Variants in POLR1D observed in about 807,000 individuals in gnomAD.
The protein encoded by POLR1D is DNA-directed RNA polymerases I and III subunit RPAC2.
A neutral mutation model predicts 10.8 loss-of-function variants in POLR1D; 8 were observed. That is an observed-to-expected ratio of 0.74 (90% CI 0.43 to 1.33). The LOEUF is 1.33. Among genes scored for constraint, POLR1D ranks in the 40% most tolerant of loss-of-function variants. The probability of loss-of-function intolerance (pLI) is 0.01; values close to 1 mark genes in which losing one functional copy is unlikely to be tolerated. For synonymous variants in POLR1D, 54 were observed against 57.2 expected (o/e 0.94, Z 0.25); for missense variants, 152 against 161.7 (o/e 0.94, Z 0.32).
exon 3 of POLR1D, chr13:27,666,995 C>CCCTG (rs1956424485): frequency 6.6e-6 from 1 of 150,406 alleles, no homozygotes; most frequent in Admixed American, 6.6e-5. Context: ...CATGCCACAT[C>CCCTG]CCTGCTCCCT....
intron 1 of POLR1D, chr13:27,622,311 C>T: frequency 1.9e-6 from 1 of 515,216 alleles, no homozygotes; most frequent in Admixed American, 3.4e-5. Context: ...GGTACTCGTG[C>T]CTCTGTCCCT....
At chr13:27,643,272 T>C (rs745540684) in intron 1 of POLR1D, among the ~76,000 whole-genome samples, 2 of 152,234 alleles carry the variant, frequency 1.3e-5, no homozygotes, top group Non-Finnish European at 2.9e-5. Context: ...CTTTAGTTTA[T>C]GTCTGTGAAT....
chr13:27,630,575 A>G (rs955201849), intron 1 of POLR1D, among the ~76,000 whole-genome samples: 3 of 152,142 alleles, frequency 2.0e-5, no homozygotes, highest in Non-Finnish European at 4.4e-5. Flanking sequence ...TTGGCTCCAC[A>G]CTTCCTATCT....
intron 1 of POLR1D, among the ~76,000 whole-genome samples, chr13:27,633,684 C>G (rs550721001): frequency 3.7e-4 from 57 of 152,330 alleles, no homozygotes; most frequent in African/African-American, 1.4e-3. Flanking sequence ...GAGCATTTGT[C>G]TACAACTGTT....
At chr13:27,656,487 G>A (rs1471335689) in intron 2 of POLR1D, among the ~76,000 whole-genome samples, 1 of 149,168 alleles carries the variant, frequency 6.7e-6, no homozygotes, top group African/African-American at 2.4e-5. Flanking sequence ...GAATGACAAA[G>A]ATTCCTGCTC....
intron 1 of POLR1D, among the ~76,000 whole-genome samples, chr13:27,635,881 C>A (rs1465237807): frequency 1.3e-5 from 2 of 151,990 alleles, no homozygotes; most frequent in Non-Finnish European, 2.9e-5. Context: ...CATTTTCTCA[C>A]CACTATATTG....
chr13:27,660,496 C>A (rs181576390), intron 2 of POLR1D, among the ~76,000 whole-genome samples: 1 of 152,198 alleles, frequency 6.6e-6, no homozygotes, highest in South Asian at 2.1e-4. Flanking sequence ...ACTACCTGTT[C>A]GACTTCACAC....
At chr13:27,641,083 C>A (rs1956169158) in intron 1 of POLR1D, among the ~76,000 whole-genome samples, 1 of 152,040 alleles carries the variant, frequency 6.6e-6, no homozygotes, top group Non-Finnish European at 1.5e-5. Flanking sequence ...AATTTTCAAT[C>A]CATGTTTGGT....
At chr13:27,657,989 G>A (rs1956324326) in intron 2 of POLR1D, among the ~76,000 whole-genome samples, 1 of 152,190 alleles carries the variant, frequency 6.6e-6, no homozygotes, top group South Asian at 2.1e-4. Context: ...AAGGGCACCT[G>A]CCCTTCATCT....
chr13:27,630,790 G>A (rs1247437248), intron 1 of POLR1D, among the ~76,000 whole-genome samples: 2 of 152,244 alleles, frequency 1.3e-5, no homozygotes, highest in East Asian at 3.8e-4. Context: ...ATTAGTGGGA[G>A]TTAAACTTAT....
rs1419701281 is a variant in POLR1D, at chr13:27,646,797, G to GT, written c.27-1581dup. ...AAAAAAGTTGAAATTGTTTTCTTTGGTGGGTAGGGCAGGATAATTTAGAAG... is the reference window on the plus strand; with the variant it reads ...AAAAAAGTTGAAATTGTTTTCTTTGGTTGGGTAGGGCAGGATAATTTAGAAG... On this transcript the variant is annotated intron_variant, in intron 1 of 2. Transcript: ENST00000399697. 3.3e-5 allele frequency among the ~76,000 whole-genome samples: 5 copies of GT among 152,276 alleles called. No individual in the cohort carries two copies. In the South Asian group the frequency reaches 8.3e-4, roughly 25 times the overall value.
intron 2 of POLR1D, among the ~76,000 whole-genome samples, chr13:27,649,840 A>C (rs528627222): frequency 6.6e-6 from 1 of 152,324 alleles, no homozygotes; most frequent in African/African-American, 2.4e-5. Flanking sequence ...GAATCCTTAG[A>C]GTAAGAACTG....
chr13:27,653,868 T>C (rs1956287510), intron 2 of POLR1D, among the ~76,000 whole-genome samples: 1 of 152,230 alleles, frequency 6.6e-6, no homozygotes, highest in Admixed American at 6.5e-5. Flanking sequence ...ATTCGATCTA[T>C]TGTAATGTGT....
intron 2 of POLR1D, among the ~76,000 whole-genome samples, chr13:27,659,771 G>A (rs1378794876): frequency 1.3e-5 from 2 of 152,192 alleles, no homozygotes; most frequent in African/African-American, 2.4e-5. Flanking sequence ...TACTATTCAC[G>A]TATCTGCTTC....
At chr13:27,635,745 T>C (rs1019916547) in intron 1 of POLR1D, among the ~76,000 whole-genome samples, 3 of 148,892 alleles carry the variant, frequency 2.0e-5, no homozygotes, top group Non-Finnish European at 4.5e-5. Flanking sequence ...CATATATATA[T>C]ATAAATTGTA....
chr13:27,637,636 A>G (rs985202213), intron 1 of POLR1D, among the ~76,000 whole-genome samples: 7 of 152,198 alleles, frequency 4.6e-5, no homozygotes, highest in Admixed American at 1.3e-4. Context: ...ACACTTGTAT[A>G]TATATTAACT....
At chr13:27,623,714 T>C (rs1387996128), downstream of POLR1D, among the ~76,000 whole-genome samples, 4 of 152,222 alleles carry the variant, frequency 2.6e-5, no homozygotes, top group Admixed American at 1.3e-4. Flanking sequence ...GGCTTCTTGC[T>C]AAACTTTTTG....
chr13:27,629,822 G>A (rs1419555389), intron 1 of POLR1D, among the ~76,000 whole-genome samples: 1 of 152,204 alleles, frequency 6.6e-6, no homozygotes, highest in Non-Finnish European at 1.5e-5. Flanking sequence ...ACCTGGCTTG[G>A]TGCCAGGTAT....
At chr13:27,665,927 T>C (rs1394729228) in exon 3 of POLR1D, 7 of 1,614,132 alleles carry the variant, frequency 4.3e-6, no homozygotes, top group Non-Finnish European at 5.9e-6. Context: ...CCAGGACAAG[T>C]ACGAAAAGCG....
Sources: allele counts gnomAD v4.1 joint callset (sites outside exome capture counted in the v4.1 genomes callset), GRCh38; gene constraint gnomAD v4.1.1; transcripts MANE v1.5; gene names NCBI Gene and HGNC (gene_info 2026-07-23, HGNC 2026-07-21).